The following SLC16A10 variants were observed in gnomAD, a reference collection of about 807,000 sequenced individuals.
SLC16A10 encodes the protein monocarboxylate transporter 10.
SLC16A10 carries 27 observed loss-of-function variants against 40.0 expected under a neutral mutation model. The observed-to-expected ratio is 0.67, with a 90% CI of 0.50 to 0.93. The LOEUF (loss-of-function observed/expected upper bound fraction) is 0.93. Ranked by LOEUF, SLC16A10 falls within the 40% of genes least tolerant of loss-of-function variation. The pLI is 0.00. For synonymous variants in SLC16A10, 213 were observed against 249.8 expected (o/e 0.85, Z 1.39); for missense variants, 529 against 658.2 (o/e 0.80, Z 2.15).
Position 111,087,894 on chromosome 6 carries a change from G to A in SLC16A10, c.142G>A (p.Val48Met), listed in dbSNP as rs760184130. 3 of 1,569,082 alleles carry A rather than the reference G, an allele frequency of 1.9e-6. No homozygotes were observed. The highest frequency in any genetic ancestry group is 2.6e-6 in the Non-Finnish European group (3 of 1,160,482). The change falls in exon 1 of 6, where the codon GTG becomes ATG. Residue 48 changes from valine (V) to methionine (M), a missense_variant. Val to Met is a conservative substitution (Grantham distance 21). Coordinates refer to ENST00000368851, the MANE Select transcript of SLC16A10 (RefSeq NM_018593.5). Reference sequence around the variant, plus strand: ...CGAGGCGGCTGTCGAGAAGGTGGAGGTGGAGCTGGCGGGGCCGGCGACCGC... The same window carrying A: ...CGAGGCGGCTGTCGAGAAGGTGGAGATGGAGCTGGCGGGGCCGGCGACCGC... ...SPEAAVEKVE[V>M]ELAGPATAEP...
At chr6:111,217,997 A>G (rs1770800963) in intron 4 of SLC16A10, among the ~76,000 whole-genome samples, 2 of 152,208 alleles carry the variant, frequency 1.3e-5, no homozygotes, top group Admixed American at 6.5e-5. Flanking sequence ...CAGGTGTTCA[A>G]TTCTATTAAC....
At chr6:111,135,291 C>T (rs558555130) in intron 1 of SLC16A10, among the ~76,000 whole-genome samples, 7 of 152,274 alleles carry the variant, frequency 4.6e-5, no homozygotes, top group Non-Finnish European at 7.4e-5. Context: ...CCTCCTTTCC[C>T]TACCAAAGGC....
intron 4 of SLC16A10, 74 bp from the exon 5 acceptor site, chr6:111,218,739 GT>G: frequency 2.4e-6 from 3 of 1,241,638 alleles, no homozygotes; most frequent in Non-Finnish European, 3.5e-6. Flanking sequence ...TGACTTAGAA[GT>G]CCTAAGCATG....
intron 1 of SLC16A10, among the ~76,000 whole-genome samples, chr6:111,089,128 A>G (rs1279752497): frequency 2.0e-5 from 3 of 151,860 alleles, no homozygotes; most frequent in Non-Finnish European, 4.4e-5. Flanking sequence ...TTGATTTTCT[A>G]TTATTTTTAG....
chr6:111,198,151 G>T (rs985991455), intron 3 of SLC16A10, among the ~76,000 whole-genome samples: 8 of 152,098 alleles, frequency 5.3e-5, no homozygotes, highest in Admixed American at 6.5e-5. Flanking sequence ...GCTGGGCATG[G>T]TGGCACACAC....
chr6:111,129,286 A>G (rs185822202), intron 1 of SLC16A10, among the ~76,000 whole-genome samples: 143 of 152,346 alleles, frequency 9.4e-4, no homozygotes, highest in African/African-American at 3.4e-3. Flanking sequence ...TGGGGGCACA[A>G]GTGGAAAAGT....
At chr6:111,127,569 T>A (rs1033925685) in intron 1 of SLC16A10, among the ~76,000 whole-genome samples, 7 of 152,184 alleles carry the variant, frequency 4.6e-5, no homozygotes, top group African/African-American at 1.7e-4. Context: ...AATAATGGTA[T>A]AGAAGAAATA....
chr6:111,121,749 T>C (rs565569826), intron 1 of SLC16A10, among the ~76,000 whole-genome samples: 1 of 152,370 alleles, frequency 6.6e-6, no homozygotes, highest in Admixed American at 6.5e-5. Flanking sequence ...CCTGGGCTTG[T>C]GTCCTCTGCA....
At chr6:111,189,626 T>C (rs1260300630) in intron 3 of SLC16A10, among the ~76,000 whole-genome samples, 1 of 152,032 alleles carries the variant, frequency 6.6e-6, no homozygotes, top group Non-Finnish European at 1.5e-5. Flanking sequence ...CATGGCTGGG[T>C]AGGCTTCACA....
At chr6:111,137,996 G>A (rs114884259) in intron 1 of SLC16A10, among the ~76,000 whole-genome samples, 2,334 of 152,270 alleles carry the variant, frequency 0.015, 22 homozygotes, top group African/African-American at 0.038. Flanking sequence ...CGTTCTAGCC[G>A]GCAACGGCTA....
chr6:111,103,217 T>TTTG (rs775637585), intron 1 of SLC16A10, among the ~76,000 whole-genome samples: 1 of 151,740 alleles, frequency 6.6e-6, no homozygotes, highest in Non-Finnish European at 1.5e-5. Context: ...CCCATTTAAT[T>TTTG]TTGTTGTTGT....
chr6:111,106,582 C>A (rs926796160), intron 1 of SLC16A10, among the ~76,000 whole-genome samples: 6 of 152,132 alleles, frequency 3.9e-5, no homozygotes, highest in African/African-American at 1.4e-4. Context: ...TTTACGGTTA[C>A]TTGAGAGGAT....
chr6:111,090,790 A>G (rs1338452060), intron 1 of SLC16A10, among the ~76,000 whole-genome samples: 1 of 152,252 alleles, frequency 6.6e-6, no homozygotes, highest in Non-Finnish European at 1.5e-5. Flanking sequence ...CTTCAAATAC[A>G]TGCCAAAAAA....
At chr6:111,159,163 A>G (rs1372525914) in intron 1 of SLC16A10, among the ~76,000 whole-genome samples, 1 of 150,112 alleles carries the variant, frequency 6.7e-6, no homozygotes, top group Admixed American at 6.7e-5. Context: ...CCCTTCATGC[A>G]CACTTTCCCA....
At chr6:111,151,434 C>G (rs1772171161) in intron 1 of SLC16A10, among the ~76,000 whole-genome samples, 1 of 152,168 alleles carries the variant, frequency 6.6e-6, no homozygotes, top group Admixed American at 6.5e-5. Context: ...GATCATAAGT[C>G]CTGTTGATTT....
At chr6:111,211,022 CA>C (rs36044806) in intron 4 of SLC16A10, among the ~76,000 whole-genome samples, 66,783 of 119,476 alleles carry the variant, frequency 0.56, 16,353 homozygotes, top group East Asian at 0.68. Context: ...GACTCCGTCT[CA>C]AAAAAAAAAA....
intron 1 of SLC16A10, among the ~76,000 whole-genome samples, chr6:111,171,172 C>T (rs1772579012): frequency 6.6e-6 from 1 of 152,168 alleles, no homozygotes; most frequent in Non-Finnish European, 1.5e-5. Context: ...CTCAAGCTCT[C>T]CATACTGTAA....
At chr6:111,088,616 G>A (rs906834195) in intron 1 of SLC16A10, among the ~76,000 whole-genome samples, 1 of 152,126 alleles carries the variant, frequency 6.6e-6, no homozygotes, top group South Asian at 2.1e-4. Flanking sequence ...TCCAAAGGGG[G>A]CCCTGCAAGA....
chr6:111,116,782 C>G lies in SLC16A10; in HGVS notation c.343+28687C>G, dbSNP rs184923785. 3.9e-5 allele frequency among the ~76,000 whole-genome samples: 6 copies of G among 152,200 alleles called. No homozygotes were observed. The East Asian group carries it at 9.7e-4, about 24-fold the overall frequency. Reference sequence around the variant, plus strand: ...AGAATTTTGAGTGGATTTCTCCCCCCACTATTGGTAAAAATTTTTGTACTT... The same window carrying G: ...AGAATTTTGAGTGGATTTCTCCCCCGACTATTGGTAAAAATTTTTGTACTT... On this transcript the variant is annotated intron_variant, in intron 1 of 5. Transcript: ENST00000368851.
Sources: allele counts gnomAD v4.1 joint callset (sites outside exome capture counted in the v4.1 genomes callset), GRCh38; gene constraint gnomAD v4.1.1; transcripts MANE v1.5; gene names NCBI Gene and HGNC (gene_info 2026-07-23, HGNC 2026-07-21).